Variants in ARHGAP21 observed in about 807,000 individuals in gnomAD.
ARHGAP21 encodes the protein rho GTPase-activating protein 21.
A neutral mutation model predicts 164.6 loss-of-function variants in ARHGAP21; 38 were observed. That is an observed-to-expected ratio of 0.23 (90% CI 0.18 to 0.30). The LOEUF is 0.30. ARHGAP21 is among the 10% of genes least tolerant of loss of function. The pLI, the probability that ARHGAP21 is intolerant of heterozygous loss-of-function variation, is 1.00. For missense variants in ARHGAP21, 1,822 were observed against 2,370.7 expected, an observed-to-expected ratio of 0.77 and a Z score of 4.81; for synonymous variants, 766 against 857.9, an observed-to-expected ratio of 0.89 and a Z score of 1.87.
At chr10:24,685,141 C>T (rs1226549195) in intron 2 of ARHGAP21, among the ~76,000 whole-genome samples, 2 of 152,088 alleles carry the variant, frequency 1.3e-5, no homozygotes, top group Non-Finnish European at 2.9e-5. Flanking sequence ...AACCATGTAG[C>T]AGTACTCTAA....
chr10:24,711,276 T>C (rs907975124), intron 2 of ARHGAP21, among the ~76,000 whole-genome samples: 2 of 151,734 alleles, frequency 1.3e-5, no homozygotes, highest in East Asian at 1.9e-4. Context: ...TGCTGAAAAA[T>C]TCTGGGAGAA....
At chr10:24,602,437 A>T (rs952460786) in intron 12 of ARHGAP21, among the ~76,000 whole-genome samples, 1 of 152,222 alleles carries the variant, frequency 6.6e-6, no homozygotes, top group African/African-American at 2.4e-5. Flanking sequence ...AGCAGCTAGA[A>T]CCTGGTGATG....
At position 24,635,736 on chromosome 10, in the gene ARHGAP21, G is replaced by A. The variant is rs956027223; in HGVS notation, c.269-633C>T. Among the ~76,000 whole-genome samples, 5 of 151,986 alleles carry A rather than the reference G, an allele frequency of 3.3e-5. No individual in the cohort carries two copies. The East Asian group carries it at 5.8e-4, about 18-fold the overall frequency. On this transcript the variant is annotated intron_variant, in intron 4 of 25. Coordinates refer to ENST00000396432, the MANE Select transcript of ARHGAP21 (RefSeq NM_020824.4). ...AATTTTTGTATGTTTTAGTAGAGAC[G>A]GGGTTTCACCATATTGGCCAGGCTG...
Position 24,657,693 on chromosome 10 carries a change from T to G in ARHGAP21, c.268+9292A>C, listed in dbSNP as rs556370441. On this transcript the variant is annotated intron_variant, in intron 4 of 25. Transcript: ENST00000396432. ...AAGTAGACATGGGAGACTTTTCATT[T>G]TGTTCTACACTAAGAAAAATTCCTC... is the stretch of plus-strand genomic sequence containing the variant. Among the ~76,000 whole-genome samples the G allele has an allele frequency of 6.0e-3, 407 of 67,846 alleles. 10 individuals carry two copies. The highest frequency in any genetic ancestry group is 0.013 in the Middle Eastern group (2 of 158). The allele number at this position is 67,846 out of a possible 152,430, so 44.5% of individuals were successfully genotyped here.
rs138402391 is a variant in ARHGAP21 at position 24,631,180 on chromosome 10, A to G, written c.441-1130T>C. Among the ~76,000 whole-genome samples, 232 of 152,264 alleles carry G rather than the reference A, an allele frequency of 1.5e-3. 5 individuals carry two copies. The East Asian group carries it at 0.038, about 25-fold the overall frequency. On this transcript the variant is annotated intron_variant, in intron 6 of 25. Transcript: ENST00000396432. ...GGAGTTCGAGACCAGCCTGGCCAAC[A>G]TGTTGAAAACTCGTCTCCACTAAAA...
At chr10:24,686,370 A>T (rs1040396014) in intron 2 of ARHGAP21, among the ~76,000 whole-genome samples, 1 of 152,152 alleles carries the variant, frequency 6.6e-6, no homozygotes, top group African/African-American at 2.4e-5. Flanking sequence ...TCAAGGCTGC[A>T]GTGAGCCGAG....
intron 2 of ARHGAP21, among the ~76,000 whole-genome samples, chr10:24,690,295 T>C (rs1032646352): frequency 6.6e-6 from 1 of 152,200 alleles, no homozygotes; most frequent in African/African-American, 2.4e-5. Context: ...TTTGTTTGTT[T>C]TTAGTTTTAG....
chr10:24,722,976 C>G (rs1846081777), intron 1 of ARHGAP21, among the ~76,000 whole-genome samples: 1 of 152,004 alleles, frequency 6.6e-6, no homozygotes, highest in Admixed American at 6.6e-5. Context: ...GGCTTCCCTT[C>G]CCCTGTGGCC....
chr10:24,619,972 T>C lies in ARHGAP21; in HGVS notation c.1923A>G (p.Lys641=). The C allele has an allele frequency of 6.2e-7, 1 of 1,614,024 alleles. No homozygotes were observed. The highest frequency in any genetic ancestry group is 8.5e-7 in the Non-Finnish European group (1 of 1,179,914). Residue 641 remains lysine, a synonymous_variant, in exon 9 of 26, where the codon AAA becomes AAG. Transcript: ENST00000396432. ...TTTGGTCTTTGATAGAAACAAATGA[T>C]TTCTGGCTAAATGATGGTTTTGTGA... ...THVTKPSFSQ[K]SFVSIKDQRP... is the part of the protein sequence containing the mutation.
intron 1 of ARHGAP21, chr10:24,722,487 T>C (rs1846026075): frequency 6.4e-6 from 1 of 155,586 alleles, no homozygotes; most frequent in Non-Finnish European, 1.4e-5. Context: ...CAAACACACC[T>C]GGCTGTTATG....
chr10:24,596,330 TAA>T (rs1357847847), intron 17 of ARHGAP21: 3 of 430,792 alleles, frequency 7.0e-6, no homozygotes, highest in Non-Finnish European at 1.2e-5. Context: ...TTCCGCTGAA[TAA>T]AGAGTCAAGA....
At position 24,620,965 on chromosome 10, in the gene ARHGAP21, A is replaced by G. The variant is rs984716589; in HGVS notation, c.930T>C (p.Ser310=). ...ATGTGGTTCTTGACACTGTTTTTAA[A>G]GAGGTCTGCTCACTCACGCCATACC... ...EVRYGVSEQT[S]LKTVSRTTSP... The change falls in exon 9 of 26, where the codon TCT becomes TCC. Residue 310 remains serine (S), a synonymous_variant. Coordinates refer to ENST00000396432, the MANE Select transcript of ARHGAP21 (RefSeq NM_020824.4). 2 of 1,613,878 alleles carry G rather than the reference A, an allele frequency of 1.2e-6. No homozygotes were observed. Among genetic ancestry groups the G allele is most frequent in the African/African-American group, 2.7e-5 (2 of 74,932 alleles).
intron 2 of ARHGAP21, among the ~76,000 whole-genome samples, chr10:24,721,413 G>A (rs993545621): frequency 1.3e-5 from 2 of 152,180 alleles, no homozygotes; most frequent in Non-Finnish European, 2.9e-5. Flanking sequence ...GGTGCAACAA[G>A]CATACTAGCT....
chr10:24,687,037 G>A (rs1008634637), intron 2 of ARHGAP21, among the ~76,000 whole-genome samples: 2 of 152,128 alleles, frequency 1.3e-5, no homozygotes, highest in African/African-American at 4.8e-5. Context: ...CCAACATGGT[G>A]AAACCCCATT....
chr10:24,592,931 A>G (rs187383144), intron 21 of ARHGAP21, among the ~76,000 whole-genome samples: 1 of 152,286 alleles, frequency 6.6e-6, no homozygotes, highest in African/African-American at 2.4e-5. Flanking sequence ...AAGCTACATT[A>G]ATTTCCATAT....
intron 23 of ARHGAP21, 99 bp from the exon 24 acceptor site, chr10:24,591,429 A>C: frequency 8.5e-7 from 1 of 1,175,618 alleles, no homozygotes; most frequent in South Asian, 1.4e-5. Flanking sequence ...TAAGTAAAGC[A>C]CCTGTGCTTA....
Position 24,607,754 on chromosome 10 carries a change from G to A in ARHGAP21, c.2572C>T (p.His858Tyr). Residue 858 changes from histidine (H) to tyrosine (Y), a missense_variant, in exon 10 of 26, where the codon CAT becomes TAT. This residue lies in a region of ARHGAP21 where 1,090 missense variants were observed against 1,378.9 expected (regional missense o/e 0.79). Coordinates refer to ENST00000396432, the MANE Select transcript of ARHGAP21 (RefSeq NM_020824.4). ...SAPLIRRQLS[H>Y]DHESVGPPSL... The stretch of plus-strand genomic sequence containing the variant: ...CACCCTTTAGACGTACCGTGGTCAT[G>A]TGAGAGCTGACGGCGAATTAATGGA... The A allele has an allele frequency of 6.2e-7, 1 of 1,614,008 alleles. No individual in the cohort carries two copies. Among genetic ancestry groups the A allele is most frequent in the East Asian group, 2.2e-5 (1 of 44,886 alleles).
rs769519723 is a variant in ARHGAP21 at position 24,584,713 on chromosome 10, C to T, written c.5576G>A (p.Arg1859His). The change falls in exon 26 of 26, where the codon CGC becomes CAC. Residue 1859 changes from arginine (R) to histidine (H), a missense_variant. Physicochemically the swap from Arg to His is conservative, Grantham distance 29. Around this residue, in one of 5 missense-constraint regions of ARHGAP21, gnomAD observed 165 missense variants for 176.6 expected, o/e 0.93. Coordinates refer to ENST00000396432, the MANE Select transcript of ARHGAP21 (RefSeq NM_020824.4). The stretch of plus-strand genomic sequence containing the variant: ...TCTGCTAAGGTCAGAGGTACTGGTG[C>T]GTAGGCGTTCCCTGGCCAGCCAGTC... ...ISDWLARERL[R>H]TSTSDLSRGE... is the part of the protein sequence containing the mutation. 45 of 1,613,918 alleles carry T rather than the reference C, an allele frequency of 2.8e-5. No homozygotes were observed. The highest frequency in any genetic ancestry group is 1.7e-4 in the Middle Eastern group (1 of 6,056).
intron 2 of ARHGAP21, among the ~76,000 whole-genome samples, chr10:24,697,875 A>T (rs1843312843): frequency 6.6e-6 from 1 of 152,080 alleles, no homozygotes; most frequent in Non-Finnish European, 1.5e-5. Context: ...AAATAAAAAA[A>T]TAAAAAAAAT....
Sources: gnomAD v4.1 joint callset for allele counts (sites outside exome capture counted in the v4.1 genomes callset) on GRCh38, gnomAD v4.1.1 for gene constraint, gnomAD v4.1.1 regional missense constraint, MANE v1.5 for transcripts, NCBI Gene and HGNC (gene_info 2026-07-23, HGNC 2026-07-21) for gene names.